NTN1: variants seen among roughly 807,000 people sequenced by gnomAD.
The protein encoded by NTN1 is netrin-1.
Under a neutral mutation model 54.2 loss-of-function variants are expected in NTN1, and 11 were observed. The ratio of observed to expected loss-of-function variants is 0.20; its 90% CI spans 0.13 to 0.34. NTN1 has a LOEUF of 0.34. Among genes scored for constraint, NTN1 ranks in the 10% least tolerant of loss-of-function variants. The pLI is 1.00. For synonymous variants in NTN1, 371 were observed against 382.0 expected (o/e 0.97, Z 0.33); for missense variants, 740 against 893.1 (o/e 0.83, Z 2.18).
At chr17:9,203,128 A>G (rs527786776) in intron 5 of NTN1, among the ~76,000 whole-genome samples, 92 of 151,828 alleles carry the variant, frequency 6.1e-4, no homozygotes, top group African/African-American at 2.0e-3. Flanking sequence ...TCACCATGTT[A>G]GCCAGGATGA....
intron 2 of NTN1, among the ~76,000 whole-genome samples, chr17:9,084,645 GTTTTTTT>G (rs35003160): frequency 2.1e-3 from 179 of 83,316 alleles, no homozygotes; most frequent in African/African-American, 6.4e-3. Flanking sequence ...GTTCTTTGCA[GTTTTTTT>G]TTTTTTTTTT....
At chr17:9,230,305 C>T (rs1008759376) in intron 6 of NTN1, among the ~76,000 whole-genome samples, 1 of 152,146 alleles carries the variant, frequency 6.6e-6, no homozygotes, top group African/African-American at 2.4e-5. Context: ...TGCGAAAGGC[C>T]ACCTCTCCCG....
chr17:9,138,080 C>G (rs1335629828), intron 2 of NTN1, among the ~76,000 whole-genome samples: 1 of 152,228 alleles, frequency 6.6e-6, no homozygotes, highest in African/African-American at 2.4e-5. Context: ...TCTGAAGCCA[C>G]AGGGCCTGCT....
intron 2 of NTN1, among the ~76,000 whole-genome samples, chr17:9,160,158 C>CTGGA (rs2142296506): frequency 6.6e-6 from 1 of 152,264 alleles, no homozygotes; most frequent in South Asian, 2.1e-4. Context: ...GTGGCTCAGG[C>CTGGA]TGGAGTACAG....
intron 2 of NTN1, among the ~76,000 whole-genome samples, chr17:9,065,184 G>A (rs1481993491): frequency 1.3e-5 from 2 of 152,168 alleles, no homozygotes; most frequent in African/African-American, 2.4e-5. Flanking sequence ...TGATCTGCCT[G>A]CCTCCACCTC....
chr17:9,010,274 T>A, the NTN1 span, among the ~76,000 whole-genome samples: 1 of 152,224 alleles, frequency 6.6e-6, no homozygotes, highest in African/African-American at 2.4e-5. Context: ...TCTTGGCTAC[T>A]GTTCTCTCAA....
chr17:9,043,082 T>C (rs935728849), intron 2 of NTN1, among the ~76,000 whole-genome samples: 1 of 151,590 alleles, frequency 6.6e-6, no homozygotes, highest in African/African-American at 2.4e-5. Context: ...TGGTAATTTG[T>C]TTTTTTTTAA....
At chr17:9,022,012 G>A (rs1018460895) in intron 1 of NTN1, among the ~76,000 whole-genome samples, 2 of 152,070 alleles carry the variant, frequency 1.3e-5, no homozygotes, top group Non-Finnish European at 2.9e-5. Context: ...TGGGGTGCGA[G>A]GGGGGCTGGT....
intron 2 of NTN1, among the ~76,000 whole-genome samples, chr17:9,143,245 C>A (rs1485239178): frequency 1.3e-5 from 2 of 152,196 alleles, no homozygotes; most frequent in African/African-American, 4.8e-5. Flanking sequence ...GGCCTGGATG[C>A]TGTCGGATGG....
At chr17:9,228,518 G>A (rs62069964) in intron 6 of NTN1, among the ~76,000 whole-genome samples, 43,545 of 152,050 alleles carry the variant, frequency 0.29, 6,437 homozygotes, top group African/African-American at 0.36. Flanking sequence ...GGGTGCTGCC[G>A]CTGGCTTCTT....
In NTN1 at chr17:9,192,950, C is replaced by G. The variant is rs61339606; in HGVS notation, c.1411+9981C>G. On this transcript the variant is annotated intron_variant, in intron 5 of 6. Coordinates refer to ENST00000173229, the MANE Select transcript of NTN1 (RefSeq NM_004822.3). The stretch of plus-strand genomic sequence containing the variant: ...AAAAAATTAGCTGGGCATGGTGGCA[C>G]GCGCCTGTAGTCCCAGCTACGCAGG... Among the ~76,000 whole-genome samples, 55 of 152,076 alleles carry G rather than the reference C, an allele frequency of 3.6e-4. 1 individual carries two copies. In the South Asian group the frequency reaches 0.011, roughly 29 times the overall value.
chr17:9,082,100 C>T (rs757325824), intron 2 of NTN1, among the ~76,000 whole-genome samples: 5 of 152,134 alleles, frequency 3.3e-5, no homozygotes, highest in Non-Finnish European at 5.9e-5. Context: ...TGCTCTGTCC[C>T]CCAGGCTGGA....
intron 2 of NTN1, among the ~76,000 whole-genome samples, chr17:9,026,665 CT>C (rs2091872227): frequency 1.3e-5 from 2 of 152,074 alleles, no homozygotes; most frequent in Middle Eastern, 3.4e-3. Context: ...CCGCCCTTCC[CT>C]TTTTTCAAAA....
At chr17:9,094,430 TAC>T (rs1007095098) in intron 2 of NTN1, among the ~76,000 whole-genome samples, 4 of 152,084 alleles carry the variant, frequency 2.6e-5, no homozygotes, top group Non-Finnish European at 4.4e-5. Flanking sequence ...CATATATATG[TAC>T]ACACACACAT....
chr17:9,230,046 T>TCTCAGCAAATGACGGACTCTTCCCC (rs1203511025), intron 6 of NTN1, among the ~76,000 whole-genome samples: 7 of 119,292 alleles, frequency 5.9e-5, no homozygotes, highest in Admixed American at 1.8e-4. Context: ...ACACGGGGCC[T>TCTCAGCAAATGACGGACTCTTCCCC]CTCAGCAAAT....
At chr17:9,054,097 A>G (rs2091969927) in intron 2 of NTN1, among the ~76,000 whole-genome samples, 1 of 152,168 alleles carries the variant, frequency 6.6e-6, no homozygotes, top group Admixed American at 6.5e-5. Context: ...GGCTGCCATG[A>G]AAAAGGAGAC....
intron 2 of NTN1, among the ~76,000 whole-genome samples, chr17:9,100,719 A>G (rs1172292007): frequency 2.0e-5 from 3 of 152,140 alleles, no homozygotes; most frequent in African/African-American, 7.2e-5. Flanking sequence ...CTACCTTTTA[A>G]TGCAAATCAT....
chr17:9,122,708 A>G (rs2092235124), intron 2 of NTN1, among the ~76,000 whole-genome samples: 1 of 152,254 alleles, frequency 6.6e-6, no homozygotes, highest in Non-Finnish European at 1.5e-5. Flanking sequence ...AACGCAAGTA[A>G]CAGTTTATCC....
intron 6 of NTN1, among the ~76,000 whole-genome samples, chr17:9,227,723 A>G (rs1054595864): frequency 6.6e-6 from 1 of 151,682 alleles, no homozygotes; most frequent in Non-Finnish European, 1.5e-5. Context: ...CACACACCAC[A>G]CACATCAGAT....
Sources: allele counts gnomAD v4.1 joint callset (sites outside exome capture counted in the v4.1 genomes callset), GRCh38; gene constraint gnomAD v4.1.1; transcripts MANE v1.5; gene names NCBI Gene and HGNC (gene_info 2026-07-23, HGNC 2026-07-21).